NRXN3: variants seen among roughly 807,000 people sequenced by gnomAD.
The protein encoded by NRXN3 is neurexin III.
Under a neutral mutation model 137.6 loss-of-function variants are expected in NRXN3, and 32 were observed. That is an observed-to-expected ratio of 0.23 (90% confidence interval 0.18 to 0.31). The LOEUF (loss-of-function observed/expected upper bound fraction) is 0.31, where lower values mean the gene tolerates loss of function less well. Ranked by LOEUF, NRXN3 falls within the 10% of genes least tolerant of loss-of-function variation. NRXN3 has a pLI of 1.00. For synonymous variants in NRXN3, 798 were observed against 784.5 expected, an observed-to-expected ratio of 1.02 and a Z score of -0.29; for missense variants, 1,574 against 2,062.5, an observed-to-expected ratio of 0.76 and a Z score of 4.59.
At chr14:79,351,245 A>G (rs1599025526) in intron 15 of NRXN3, among the ~76,000 whole-genome samples, 1 of 152,192 alleles carries the variant, frequency 6.6e-6, no homozygotes, top group African/African-American at 2.4e-5. Flanking sequence ...GATGTTTATG[A>G]AATAATGTGC....
At chr14:78,601,457 C>CTT (rs33919299) in intron 4 of NRXN3, among the ~76,000 whole-genome samples, 2 of 143,976 alleles carry the variant, frequency 1.4e-5, no homozygotes, top group African/African-American at 2.5e-5. Context: ...AGTACTGATT[C>CTT]TTTTTTTTTT....
At chr14:78,448,154 C>G (rs1390483192) in intron 4 of NRXN3, among the ~76,000 whole-genome samples, 2 of 152,192 alleles carry the variant, frequency 1.3e-5, no homozygotes, top group Non-Finnish European at 1.5e-5. Context: ...AGTCTATCAT[C>G]TTTACTGTTC....
At chr14:78,659,376 A>G (rs913194811) in intron 6 of NRXN3, among the ~76,000 whole-genome samples, 6 of 151,904 alleles carry the variant, frequency 3.9e-5, no homozygotes, top group Admixed American at 3.3e-4. Flanking sequence ...GGTTGACCAT[A>G]AAAAAAAGAT....
intron 6 of NRXN3, among the ~76,000 whole-genome samples, chr14:78,667,543 T>C (rs942542044): frequency 2.0e-5 from 3 of 152,196 alleles, no homozygotes; most frequent in Admixed American, 6.5e-5. Context: ...TGGAAAAGAA[T>C]TTATATCCCC....
intron 4 of NRXN3, among the ~76,000 whole-genome samples, chr14:78,374,652 C>A (rs956519831): frequency 6.6e-6 from 1 of 151,888 alleles, no homozygotes; most frequent in Non-Finnish European, 1.5e-5. Context: ...CGCCTATAAT[C>A]CCAGCTACTG....
chr14:79,608,127 G>T (rs1232476370), intron 16 of NRXN3, among the ~76,000 whole-genome samples: 1 of 152,040 alleles, frequency 6.6e-6, no homozygotes, highest in Admixed American at 6.5e-5. Context: ...TTTCAACATA[G>T]TGCCTGTGTT....
intron 4 of NRXN3, among the ~76,000 whole-genome samples, chr14:78,532,333 A>AAAAAG (rs368344754): frequency 6.7e-5 from 10 of 150,038 alleles, no homozygotes; most frequent in East Asian, 3.9e-4. Flanking sequence ...AAAGAAAAAA[A>AAAAAG]AAAAGAAAAG....
chr14:78,994,076 G>A (rs530946818), intron 15 of NRXN3, among the ~76,000 whole-genome samples: 41 of 151,664 alleles, frequency 2.7e-4, no homozygotes, highest in African/African-American at 9.4e-4. Context: ...GGCTGGTCTC[G>A]AATTCCTGAC....
chr14:78,278,494 A>G (rs985631632), intron 2 of NRXN3, 151 bp from the exon 3 acceptor site: 5 of 682,282 alleles, frequency 7.3e-6, no homozygotes, highest in South Asian at 1.8e-5. Flanking sequence ...CTAAGTGCTC[A>G]GAAGCTGAGT....
chr14:79,226,595 A>T (rs2070903091), intron 15 of NRXN3, among the ~76,000 whole-genome samples: 1 of 152,098 alleles, frequency 6.6e-6, no homozygotes, highest in Non-Finnish European at 1.5e-5. Flanking sequence ...TATTTATTAC[A>T]CTGTTCACAT....
chr14:78,198,938 G>T (rs946707353), intron 1 of NRXN3, among the ~76,000 whole-genome samples: 5 of 152,198 alleles, frequency 3.3e-5, no homozygotes, highest in South Asian at 2.1e-4. Flanking sequence ...CAGCTAATGG[G>T]CATGTCTTGG....
intron 17 of NRXN3, among the ~76,000 whole-genome samples, chr14:79,688,445 C>T (rs530655081): frequency 2.6e-5 from 4 of 152,144 alleles, no homozygotes; most frequent in East Asian, 1.9e-4. Flanking sequence ...AAAGTGTAAG[C>T]GCAGTGTTGT....
intron 10 of NRXN3, among the ~76,000 whole-genome samples, chr14:78,832,299 G>T (rs960766166): frequency 6.6e-6 from 1 of 152,098 alleles, no homozygotes; most frequent in Non-Finnish European, 1.5e-5. Context: ...AGTTGTTCTT[G>T]CCAAGAAAGA....
intron 8 of NRXN3, among the ~76,000 whole-genome samples, chr14:78,754,360 G>A (rs1054407499): frequency 2.6e-5 from 4 of 152,088 alleles, no homozygotes; most frequent in African/African-American, 7.2e-5. Context: ...ACCCCACACC[G>A]TTCTCCTCAC....
At chr14:78,649,846 T>A (rs1400288385) in intron 5 of NRXN3, among the ~76,000 whole-genome samples, 1 of 152,116 alleles carries the variant, frequency 6.6e-6, no homozygotes, top group Non-Finnish European at 1.5e-5. Flanking sequence ...TTCTTTTACT[T>A]TACTCCCCTA....
chr14:79,838,113 G>A (rs1191298090), intron 20 of NRXN3, among the ~76,000 whole-genome samples: 2 of 152,092 alleles, frequency 1.3e-5, no homozygotes, highest in East Asian at 3.9e-4. Context: ...CTTTTTGAGG[G>A]ACCCAAGCAA....
At chr14:79,436,709 T>A (rs2095851136) in intron 15 of NRXN3, among the ~76,000 whole-genome samples, 1 of 152,224 alleles carries the variant, frequency 6.6e-6, no homozygotes, top group Non-Finnish European at 1.5e-5. Context: ...GAATTACAAG[T>A]CTAATTTGGT....
intron 15 of NRXN3, among the ~76,000 whole-genome samples, chr14:79,152,467 G>C (rs1244449107): frequency 6.6e-6 from 1 of 151,960 alleles, no homozygotes; most frequent in Non-Finnish European, 1.5e-5. Context: ...TGCTATATTA[G>C]TCTGTTCTCA....
chr14:78,326,356 G>A (rs2080081221), intron 4 of NRXN3, among the ~76,000 whole-genome samples: 1 of 152,282 alleles, frequency 6.6e-6, no homozygotes, highest in Non-Finnish European at 1.5e-5. Flanking sequence ...TCTGAGAAGG[G>A]CACCATTTCA....
Sources: gnomAD v4.1 joint callset for allele counts (sites outside exome capture counted in the v4.1 genomes callset) on GRCh38, gnomAD v4.1.1 for gene constraint, MANE v1.5 for transcripts, NCBI Gene and HGNC (gene_info 2026-07-23, HGNC 2026-07-21) for gene names.